HFM1: variants seen among roughly 807,000 people sequenced by gnomAD.
HFM1 encodes helicase for meiosis 1, also known as probable ATP-dependent DNA helicase HFM1.
In HFM1, 169 loss-of-function variants were observed where a neutral mutation model predicts 192.1. The ratio of observed to expected loss-of-function variants is 0.88; its 90% CI spans 0.78 to 1.00. The LOEUF (loss-of-function observed/expected upper bound fraction) is 1.00, where lower values mean the gene tolerates loss of function less well. Ranked by LOEUF, HFM1 falls within the 50% of genes least tolerant of loss-of-function variation. The pLI is 0.00. For synonymous variants in HFM1, 525 were observed against 537.8 expected (o/e 0.98, Z 0.33); for missense variants, 1,661 against 1,668.0 (o/e 1.00, Z 0.07).
intron 30 of HFM1, among the ~76,000 whole-genome samples, chr1:91,299,541 T>A (rs1055081074): frequency 9.2e-5 from 14 of 152,074 alleles, no homozygotes; most frequent in African/African-American, 3.4e-4. Flanking sequence ...GAAGTAAAGC[T>A]CTCCTCAGCA....
At chr1:91,270,074 G>A (rs981023341) in intron 34 of HFM1, among the ~76,000 whole-genome samples, 5 of 152,098 alleles carry the variant, frequency 3.3e-5, no homozygotes, top group African/African-American at 1.2e-4. Flanking sequence ...AACCAGATAT[G>A]TCTGTCAGAT....
chr1:91,391,682 T>C (rs558336028), intron 4 of HFM1, among the ~76,000 whole-genome samples: 26 of 152,282 alleles, frequency 1.7e-4, no homozygotes, highest in Non-Finnish European at 3.1e-4. Flanking sequence ...ACTCAGGACA[T>C]AGGCATGGGC....
At chr1:91,269,987 AAGG>A (rs1357870846) in intron 34 of HFM1, among the ~76,000 whole-genome samples, 1 of 152,124 alleles carries the variant, frequency 6.6e-6, no homozygotes. Flanking sequence ...TTGCCATATT[AAGG>A]AGATTTTTTT....
chr1:91,370,956 CAG>C (rs1325657480), intron 13 of HFM1, among the ~76,000 whole-genome samples: 3 of 151,930 alleles, frequency 2.0e-5, no homozygotes, highest in Non-Finnish European at 4.4e-5. Flanking sequence ...AACAGACAAA[CAG>C]AGAGCCAAAT....
intron 2 of HFM1, among the ~76,000 whole-genome samples, chr1:91,399,280 G>A (rs1334669788): frequency 6.6e-6 from 1 of 152,096 alleles, no homozygotes; most frequent in Non-Finnish European, 1.5e-5. Flanking sequence ...CTTGAGCTGT[G>A]TGAATGTACA....
intron 23 of HFM1, among the ~76,000 whole-genome samples, chr1:91,320,963 CACAA>C (rs1044962743): frequency 3.9e-5 from 6 of 152,164 alleles, no homozygotes; most frequent in Admixed American, 6.5e-5. Context: ...TCAGTTTACA[CACAA>C]ACAGTTTATT....
chr1:91,390,552 C>A (rs1326851152), intron 4 of HFM1, among the ~76,000 whole-genome samples: 1 of 152,060 alleles, frequency 6.6e-6, no homozygotes, highest in Non-Finnish European at 1.5e-5. Flanking sequence ...ATATTAAGTG[C>A]AGCCATTCAT....
chr1:91,353,610 G>A (rs1657271885), intron 13 of HFM1, among the ~76,000 whole-genome samples: 1 of 82,490 alleles, frequency 1.2e-5, no homozygotes, highest in African/African-American at 4.6e-5. Context: ...AAAATTATAA[G>A]AAGTAACCAT....
At chr1:91,375,193 G>A (rs908615521) in intron 13 of HFM1, among the ~76,000 whole-genome samples, 165 bp downstream of exon 13, 5 of 152,030 alleles carry the variant, frequency 3.3e-5, no homozygotes, top group South Asian at 4.1e-4. Flanking sequence ...ACCCCTGTAC[G>A]AAGATTCACT....
intron 3 of HFM1, among the ~76,000 whole-genome samples, 198 bp downstream of exon 3, chr1:91,396,095 T>G (rs1045622919): frequency 6.6e-6 from 1 of 152,116 alleles, no homozygotes; most frequent in African/African-American, 2.4e-5. Flanking sequence ...CCTCCCAGAC[T>G]TTCTAATTCT....
chr1:91,279,364 C>T (rs1189531038), intron 30 of HFM1, among the ~76,000 whole-genome samples: 2 of 152,066 alleles, frequency 1.3e-5, no homozygotes, highest in Non-Finnish European at 2.9e-5. Flanking sequence ...GTGTTTTGTC[C>T]CAAGTCATGG....
intron 13 of HFM1, among the ~76,000 whole-genome samples, chr1:91,374,668 A>G (rs1446618222): frequency 6.6e-6 from 1 of 152,178 alleles, no homozygotes; most frequent in African/African-American, 2.4e-5. Context: ...CTGGTCTGAG[A>G]GCAAGAACCA....
chr1:91,328,735 G>A, intron 20 of HFM1: 1 of 1,609,396 alleles, frequency 6.2e-7, no homozygotes. Context: ...AGGCTGCTGG[G>A]GCCGAGCAGG....
chr1:91,329,590 G>A (rs1179856701), intron 20 of HFM1: 5 of 1,089,514 alleles, frequency 4.6e-6, no homozygotes, highest in Non-Finnish European at 6.5e-6. Flanking sequence ...GCTACAGCTA[G>A]AGAAACCTTC....
upstream of HFM1, among the ~76,000 whole-genome samples, chr1:91,407,367 A>G (rs1220102987): frequency 6.6e-6 from 1 of 152,058 alleles, no homozygotes; most frequent in Non-Finnish European, 1.5e-5. Context: ...AAAAAAAAAA[A>G]GAAATTTCTG....
intron 25 of HFM1, among the ~76,000 whole-genome samples, chr1:91,318,132 G>A (rs1229061490): frequency 2.0e-5 from 3 of 152,102 alleles, no homozygotes; most frequent in African/African-American, 7.2e-5. Flanking sequence ...TTTGTGGGAT[G>A]GATGTGGTAT....
intron 34 of HFM1, among the ~76,000 whole-genome samples, chr1:91,268,258 T>A (rs181477307): frequency 1.3e-5 from 2 of 152,126 alleles, no homozygotes; most frequent in African/African-American, 4.8e-5. Flanking sequence ...AAGATTGGAT[T>A]ATAATAGTTT....
intron 32 of HFM1, among the ~76,000 whole-genome samples, chr1:91,276,139 C>T (rs1194762752): frequency 6.6e-6 from 1 of 152,132 alleles, no homozygotes; most frequent in East Asian, 1.9e-4. Context: ...GCTATCCCTT[C>T]CTACGATCAT....
intron 20 of HFM1, among the ~76,000 whole-genome samples, chr1:91,343,000 G>C (rs1027401402): frequency 1.3e-5 from 2 of 151,910 alleles, no homozygotes; most frequent in Non-Finnish European, 1.5e-5. Flanking sequence ...GCCCGAGGTG[G>C]GCAGATCACA....
Sources: allele counts gnomAD v4.1 joint callset (sites outside exome capture counted in the v4.1 genomes callset), GRCh38; gene constraint gnomAD v4.1.1; transcripts MANE v1.5; gene names NCBI Gene and HGNC (gene_info 2026-07-23, HGNC 2026-07-21).